The following EPB41L3 variants were observed in gnomAD, a reference collection of about 807,000 sequenced individuals.
EPB41L3 encodes the protein erythrocyte membrane protein band 4.1 like 3, also known as band 4.1-like protein 3.
Under a neutral mutation model 127.1 loss-of-function variants are expected in EPB41L3, and 57 were observed. The ratio of observed to expected loss-of-function variants is 0.45; its 90% CI spans 0.36 to 0.56. The LOEUF (loss-of-function observed/expected upper bound fraction) is 0.56, where lower values mean the gene tolerates loss of function less well. Among genes scored for constraint, EPB41L3 ranks in the 20% least tolerant of loss-of-function variants. The pLI, the probability that EPB41L3 is intolerant of heterozygous loss-of-function variation, is 0.00. For missense variants in EPB41L3, 1,273 were observed against 1,372.2 expected, an observed-to-expected ratio of 0.93 and a Z score of 1.14; for synonymous variants, 572 against 549.5, an observed-to-expected ratio of 1.04 and a Z score of -0.57.
At chr18:5,600,468 T>C (rs2094578755) in intron 3 of EPB41L3, among the ~76,000 whole-genome samples, 1 of 152,198 alleles carries the variant, frequency 6.6e-6, no homozygotes, top group Non-Finnish European at 1.5e-5. Context: ...AAAATATCAG[T>C]CTTTTGCTTT....
In EPB41L3 at chr18:5,612,894, C is replaced by T. The variant is rs140233261; in HGVS notation, c.-394-466G>A. On this transcript the variant is annotated intron_variant, in intron 2 of 21. Coordinates refer to the EPB41L3 transcript ENST00000545076. ...TAGCTGGGACTACAGGTGTGCACCACCACATCCAGCTAATTTTTGTATTTT... is the reference window on the plus strand; with the variant it reads ...TAGCTGGGACTACAGGTGTGCACCATCACATCCAGCTAATTTTTGTATTTT... Among the ~76,000 whole-genome samples, 114 of 152,300 alleles carry T rather than the reference C, an allele frequency of 7.5e-4. 2 individuals are homozygous for T. In the East Asian group the frequency reaches 0.022, roughly 29 times the overall value.
At chr18:5,512,972 A>C (rs763418915) in intron 1 of EPB41L3, among the ~76,000 whole-genome samples, 2 of 152,208 alleles carry the variant, frequency 1.3e-5, no homozygotes, top group Non-Finnish European at 2.9e-5. Context: ...CAGAGATTAG[A>C]ATCCATAGAA....
chr18:5,505,207 T>C (rs1237034055), intron 1 of EPB41L3, among the ~76,000 whole-genome samples: 4 of 152,112 alleles, frequency 2.6e-5, no homozygotes, highest in Non-Finnish European at 5.9e-5. Context: ...AAGTGAACAC[T>C]TGAAGTTTCT....
At chr18:5,407,664 G>T (rs1404485499) in intron 15 of EPB41L3, 37 bp downstream of exon 15, 4 of 1,581,916 alleles carry the variant, frequency 2.5e-6, no homozygotes, top group Non-Finnish European at 3.5e-6. Flanking sequence ...CTGTTGTTTT[G>T]TTGTTGTTGT....
At chr18:5,557,988 G>T (rs1598957080) in intron 3 of EPB41L3, among the ~76,000 whole-genome samples, 1 of 152,328 alleles carries the variant, frequency 6.6e-6, no homozygotes, top group East Asian at 1.9e-4. Flanking sequence ...ACAAGATTTT[G>T]AACAACAGAA....
In EPB41L3 at chr18:5,396,830, G is replaced by A. The variant is rs73937120; in HGVS notation, c.2841+228C>T. ...TCAGTGAGAGTAGAAACCATTTCCT[G>A]GTGCCATATTATTAATAATTAAGAG... On this transcript the variant is annotated intron_variant, in intron 18 of 22. Coordinates refer to ENST00000341928, the MANE Select transcript of EPB41L3 (RefSeq NM_012307.5). Among the ~76,000 whole-genome samples the A allele has an allele frequency of 7.2e-3, 1,092 of 152,116 alleles. 19 individuals are homozygous for A. Among genetic ancestry groups the A allele is most frequent in the African/African-American group, 0.024 (990 of 41,502 alleles).
chr18:5,473,622 C>A (rs1215874258), intron 3 of EPB41L3, among the ~76,000 whole-genome samples: 2 of 151,918 alleles, frequency 1.3e-5, no homozygotes, highest in African/African-American at 2.4e-5. Context: ...AACATGGAAG[C>A]AGCAAAATGA....
At chr18:5,526,380 T>G (rs2093222558) in intron 1 of EPB41L3, among the ~76,000 whole-genome samples, 1 of 152,224 alleles carries the variant, frequency 6.6e-6, no homozygotes, top group Non-Finnish European at 1.5e-5. Context: ...GTTGACATCT[T>G]CTTTACCACT....
At chr18:5,617,881 T>C (rs2094816515) in intron 1 of EPB41L3, among the ~76,000 whole-genome samples, 1 of 152,136 alleles carries the variant, frequency 6.6e-6, no homozygotes, top group African/African-American at 2.4e-5. Context: ...AGAAGACAGA[T>C]GAGGGATTCA....
rs372070875 is a variant in EPB41L3, at chr18:5,402,580, CAT to C, written c.2349+4195_2349+4196del. 1.1e-4 allele frequency among the ~76,000 whole-genome samples: 17 copies of C among 152,148 alleles called. No homozygotes were observed. The East Asian group carries it at 2.9e-3, about 26-fold the overall frequency. On this transcript the variant is annotated intron_variant, in intron 16 of 22. Transcript: ENST00000341928. ...TATGTCCAATAACATAAACAGGTAA[CAT>C]AGGGAGATTTTAAAATGTAATTCTG...
At chr18:5,621,185 C>T (rs890957260) in intron 1 of EPB41L3, among the ~76,000 whole-genome samples, 3 of 152,112 alleles carry the variant, frequency 2.0e-5, no homozygotes, top group African/African-American at 4.8e-5. Flanking sequence ...TGATGTTAGG[C>T]GTCACTGTAG....
intron 1 of EPB41L3, among the ~76,000 whole-genome samples, chr18:5,492,272 A>T (rs1412884866): frequency 6.6e-6 from 1 of 152,108 alleles, no homozygotes; most frequent in Admixed American, 6.5e-5. Flanking sequence ...GTGAGCCGAG[A>T]TTGCACCACT....
chr18:5,472,489 T>C (rs772413326), intron 3 of EPB41L3, among the ~76,000 whole-genome samples: 22 of 152,214 alleles, frequency 1.4e-4, no homozygotes, highest in Non-Finnish European at 2.9e-4. Flanking sequence ...TGGCATGTTA[T>C]AGGTTAAACT....
At chr18:5,476,030 G>A (rs540509712) in intron 3 of EPB41L3, among the ~76,000 whole-genome samples, 8 of 152,108 alleles carry the variant, frequency 5.3e-5, no homozygotes, top group East Asian at 1.9e-4. Flanking sequence ...ATATCAAAAC[G>A]CAAGAGCCAT....
chr18:5,444,632 C>T (rs886596197), intron 4 of EPB41L3, among the ~76,000 whole-genome samples: 1 of 152,168 alleles, frequency 6.6e-6, no homozygotes, highest in African/African-American at 2.4e-5. Flanking sequence ...CAGGTCAGCA[C>T]ACAATCCCCC....
intron 4 of EPB41L3, among the ~76,000 whole-genome samples, chr18:5,444,739 A>T (rs2081248403): frequency 6.6e-6 from 1 of 152,236 alleles, no homozygotes; most frequent in Non-Finnish European, 1.5e-5. Context: ...TATGGGTTAC[A>T]ATCATAATAT....
chr18:5,422,770 T>A (rs1211563557), intron 11 of EPB41L3, among the ~76,000 whole-genome samples: 1 of 152,216 alleles, frequency 6.6e-6, no homozygotes, highest in Non-Finnish European at 1.5e-5. Flanking sequence ...TGAATGATCA[T>A]CTCTCCATTT....
intron 3 of EPB41L3, among the ~76,000 whole-genome samples, chr18:5,549,907 A>G (rs890277305): frequency 3.3e-5 from 5 of 152,180 alleles, no homozygotes; most frequent in Admixed American, 3.3e-4. Context: ...GATAATCTAC[A>G]CTACACGATT....
At chr18:5,583,798 G>C (rs1297804903) in intron 3 of EPB41L3, among the ~76,000 whole-genome samples, 1 of 152,046 alleles carries the variant, frequency 6.6e-6, no homozygotes. Flanking sequence ...AAAGGGACGT[G>C]GGTCTAGAAA....
Sources: allele counts gnomAD v4.1 joint callset (sites outside exome capture counted in the v4.1 genomes callset), GRCh38; gene constraint gnomAD v4.1.1; transcripts MANE v1.5; gene names NCBI Gene and HGNC (gene_info 2026-07-23, HGNC 2026-07-21).